MFSD8: variants seen among roughly 807,000 people sequenced by gnomAD.
MFSD8 encodes major facilitator superfamily domain-containing protein 8.
MFSD8 carries 55 observed loss-of-function variants against 66.4 expected under a neutral mutation model. That is an observed-to-expected ratio of 0.83 (90% CI 0.67 to 1.04). The LOEUF is 1.04. Ranked by LOEUF, MFSD8 falls within the 50% of genes least tolerant of loss-of-function variation. The probability of loss-of-function intolerance (pLI) is 0.00; values close to 1 mark genes in which losing one functional copy is unlikely to be tolerated. For missense variants in MFSD8, 550 were observed against 627.6 expected, an observed-to-expected ratio of 0.88 and a Z score of 1.32; for synonymous variants, 202 against 212.8, an observed-to-expected ratio of 0.95 and a Z score of 0.44.
At chr4:127,948,119 C>A (rs1741379097) in intron 3 of MFSD8, among the ~76,000 whole-genome samples, 1 of 151,826 alleles carries the variant, frequency 6.6e-6, no homozygotes, top group Non-Finnish European at 1.5e-5. Context: ...AAAGGTAGGA[C>A]CTTTAAGAAG....
At chr4:127,938,899 T>C in intron 6 of MFSD8, 61 bp from the exon 7 acceptor site, 3 of 1,303,558 alleles carry the variant, frequency 2.3e-6, no homozygotes. Flanking sequence ...GTTGTTTAAA[T>C]TTATTATCGG....
In MFSD8 at chr4:127,921,883, T is replaced by C; in HGVS notation, c.1079A>G (p.Gln360Arg). The change falls in exon 10 of 12, where the codon CAA becomes CGA. Residue 360 changes from glutamine to arginine, a missense_variant. Physicochemically the swap from Gln to Arg is conservative, Grantham distance 43. Transcript: ENST00000641686. ...ACCTTCCCACTGTATTTTGGGAAAT[T>C]GATTTCCCCAAGGTAACAAGATAAA... ...GFFILLPWGN[Q>R]FPKIQWEDLH... 4.3e-6 allele frequency: 7 copies of C among 1,614,144 alleles called. No homozygotes were observed. Among genetic ancestry groups the C allele is most frequent in the Non-Finnish European group, 5.9e-6 (7 of 1,180,010 alleles).
At chr4:127,947,774 A>G (rs1741299653) in intron 3 of MFSD8, among the ~76,000 whole-genome samples, 1 of 150,506 alleles carries the variant, frequency 6.6e-6, no homozygotes, top group African/African-American at 2.4e-5. Flanking sequence ...TCATCCAAGT[A>G]CCATGGATTT....
rs1235994576 is a variant in MFSD8 at position 127,938,595 on chromosome 4, ATAAATAAAT to A, written c.754+179_754+187del. 3.6e-5 allele frequency among the ~76,000 whole-genome samples: 4 copies of A among 110,966 alleles called. 1 individual carries two copies. Among genetic ancestry groups the A allele is most frequent in the African/African-American group, 1.1e-4 (3 of 26,942 alleles). The allele number at this position is 110,966 out of a possible 152,430, so 72.8% of individuals were successfully genotyped here. ...GAAACTCTGTCTCAAAAAAAAAAAA[ATAAATAAAT>A]AAATAAATAAATAAATAAATAAATA... is the stretch of plus-strand genomic sequence containing the variant. On this transcript the variant is annotated intron_variant, in intron 7 of 11. Coordinates refer to ENST00000641686, the MANE Select transcript of MFSD8 (RefSeq NM_001371596.2).
chr4:127,947,468 C>G (rs1741236191), intron 3 of MFSD8, among the ~76,000 whole-genome samples: 1 of 150,984 alleles, frequency 6.6e-6, no homozygotes, highest in Non-Finnish European at 1.5e-5. Context: ...GTCCCAGCTA[C>G]TTGGGAGACT....
intron 1 of MFSD8, among the ~76,000 whole-genome samples, chr4:127,960,010 A>T (rs1249218836): frequency 2.0e-5 from 3 of 152,218 alleles, no homozygotes; most frequent in African/African-American, 7.2e-5. Flanking sequence ...GATTTGCTTA[A>T]CTTTTAAAAT....
At position 127,964,788 on chromosome 4, in the gene MFSD8, GCTGTCAC is replaced by G. The variant is rs1560790647; in HGVS notation, c.62+277_62+283del. Reference sequence around the variant, plus strand: ...CAAGGGCTGTGAGGACTGCCAGCACGCTGTCACCTCTCAGCTTGGGTGCTGCAACAGG... The same window carrying G: ...CAAGGGCTGTGAGGACTGCCAGCACGCTCTCAGCTTGGGTGCTGCAACAGG... On this transcript the variant is annotated intron_variant, in intron 1 of 11. Transcript: ENST00000641686. The G allele has an allele frequency of 8.9e-6, 5 of 563,014 alleles. No homozygotes were observed. In the East Asian group the frequency reaches 1.5e-4, roughly 17 times the overall value. 34.9% of individuals were successfully genotyped at this position (563,014 alleles called of 1,614,324 possible).
intron 4 of MFSD8, among the ~76,000 whole-genome samples, chr4:127,942,730 C>T (rs1740407169): frequency 6.7e-6 from 1 of 150,360 alleles, no homozygotes. Flanking sequence ...AATGGCATAC[C>T]ATTGATTACT....
chr4:127,926,566 A>G (rs1737243617), intron 9 of MFSD8, among the ~76,000 whole-genome samples: 1 of 152,014 alleles, frequency 6.6e-6, no homozygotes, highest in South Asian at 2.1e-4. Flanking sequence ...GGTATTGGAC[A>G]TTCTATAAGA....
chr4:127,949,435 C>T (rs1381438763), intron 3 of MFSD8, among the ~76,000 whole-genome samples: 1 of 152,114 alleles, frequency 6.6e-6, no homozygotes, highest in Non-Finnish European at 1.5e-5. Flanking sequence ...AATTATTCCA[C>T]AAAAATATCA....
chr4:127,938,516 G>T (rs981859739), intron 7 of MFSD8, among the ~76,000 whole-genome samples: 3 of 150,848 alleles, frequency 2.0e-5, no homozygotes, highest in African/African-American at 4.9e-5. Context: ...CCCGGAGGCA[G>T]AGCTTGCAGT....
intron 9 of MFSD8, among the ~76,000 whole-genome samples, chr4:127,923,552 T>TTTATTTATTTA (rs1322039631): frequency 4.6e-5 from 6 of 130,578 alleles, no homozygotes; most frequent in African/African-American, 1.7e-4. Flanking sequence ...TTTATTTTTA[T>TTTATTTATTTA]TTATTATTAT....
intron 8 of MFSD8, chr4:127,932,589 T>C (rs1467131161): frequency 6.5e-6 from 1 of 154,526 alleles, no homozygotes; most frequent in Admixed American, 6.5e-5. Context: ...ATACTAGGTT[T>C]TTCTTCAAGG....
At chr4:127,956,554 C>T (rs140898763) in intron 2 of MFSD8, among the ~76,000 whole-genome samples, 3 of 150,216 alleles carry the variant, frequency 2.0e-5, no homozygotes, top group Non-Finnish European at 4.4e-5. Context: ...GGCGGTGACT[C>T]ACGCCTGTAA....
In MFSD8 at chr4:127,944,666, T is replaced by A. The variant is rs553474615; in HGVS notation, c.199-674A>T. On this transcript the variant is annotated intron_variant, in intron 3 of 11. Coordinates refer to ENST00000641686, the MANE Select transcript of MFSD8 (RefSeq NM_001371596.2). ...AAGGCACTATTGTTTATTTTTATTT[T>A]TATTTTTTTTTTGAGACAGGGTCTC... Among the ~76,000 whole-genome samples, 1,144 of 152,274 alleles carry A rather than the reference T, an allele frequency of 7.5e-3. 10 individuals are homozygous for A. The highest frequency in any genetic ancestry group is 9.2e-3 in the Non-Finnish European group (629 of 68,024).
At chr4:127,953,030 A>G (rs1742265965) in intron 2 of MFSD8, among the ~76,000 whole-genome samples, 1 of 152,176 alleles carries the variant, frequency 6.6e-6, no homozygotes, top group Admixed American at 6.6e-5. Context: ...CCAAAACAGT[A>G]TCCATTGGCC....
At chr4:127,957,663 T>C in intron 1 of MFSD8, 71 bp from the exon 2 acceptor site, 2 of 1,012,720 alleles carry the variant, frequency 2.0e-6, no homozygotes, top group Admixed American at 3.9e-5. Flanking sequence ...TCAACAGTTT[T>C]ATTCTCTAGT....
intron 5 of MFSD8, among the ~76,000 whole-genome samples, chr4:127,940,859 C>T (rs972790247): frequency 3.3e-5 from 5 of 152,040 alleles, no homozygotes; most frequent in Non-Finnish European, 7.4e-5. Context: ...TAAAATATTG[C>T]ACCTACCGTA....
rs753346740 is a variant in MFSD8 at position 127,942,133 on chromosome 4, A to G, written c.465T>C (p.Tyr155=). 51 of 1,613,020 alleles carry G rather than the reference A, an allele frequency of 3.2e-5. No individual in the cohort carries two copies. The highest frequency in any genetic ancestry group is 3.9e-5 in the Non-Finnish European group (46 of 1,179,024). The change falls in exon 5 of 12, where the codon TAT becomes TAC. Residue 155 remains tyrosine, a synonymous_variant. Transcript: ENST00000641686. Reference sequence around the variant, plus strand: ...CCTGAAGGGAAGTAGCACCAGCAGTATATGATCTAACAACTGCTACATTTC... The same window carrying G: ...CCTGAAGGGAAGTAGCACCAGCAGTGTATGATCTAACAACTGCTACATTTC... ...GAGNVAVVRS[Y]TAGATSLQER... is the part of the protein sequence containing the mutation.
Sources: gnomAD v4.1 joint callset for allele counts (sites outside exome capture counted in the v4.1 genomes callset) on GRCh38, gnomAD v4.1.1 for gene constraint, MANE v1.5 for transcripts, NCBI Gene and HGNC (gene_info 2026-07-23, HGNC 2026-07-21) for gene names.